The following DNA2 variants were observed in gnomAD, a reference collection of about 807,000 sequenced individuals.
DNA2 encodes the protein DNA replication helicase/nuclease 2.
In DNA2, 101 loss-of-function variants were observed where a neutral mutation model predicts 119.1. The ratio of observed to expected loss-of-function variants is 0.85; its 90% confidence interval spans 0.72 to 1.00. The LOEUF (loss-of-function observed/expected upper bound fraction) is 1.00. Ranked by LOEUF, DNA2 falls within the 50% of genes least tolerant of loss-of-function variation. The pLI is 0.00. For missense variants in DNA2, 1,121 were observed against 1,255.5 expected (o/e 0.89, Z 1.62); for synonymous variants, 366 against 424.4 (o/e 0.86, Z 1.69).
chr10:68,446,249 G>GT (rs1466994164), intron 7 of DNA2, 47 bp downstream of exon 7: 3 of 1,005,608 alleles, frequency 3.0e-6, no homozygotes, highest in Admixed American at 4.4e-5. Flanking sequence ...AGAAGCTGAA[G>GT]TGGGGGGGTG....
rs748009312 is a variant in DNA2, at chr10:68,430,606, AGT to A, written c.2036_2037del (p.His679LeufsTer4). The part of the protein sequence containing the change: ...GFSVLLTSYT[H>X]SAVDNILLKL... ...TTCAAAAGAATATTGTCAACAGCAGAGTGTGTATAGCTGGTCAACAAAACGCT... is the reference window on the plus strand; with the variant it reads ...TTCAAAAGAATATTGTCAACAGCAGAGTGTATAGCTGGTCAACAAAACGCT... On this transcript the variant is annotated frameshift_variant, in exon 14 of 21. Coordinates refer to ENST00000358410, the MANE Select transcript of DNA2 (RefSeq NM_001080449.3). LOFTEE classifies it high-confidence loss of function. The A allele has an allele frequency of 1.2e-6, 2 of 1,607,496 alleles. No homozygotes were observed. The highest frequency in any genetic ancestry group is 3.4e-5 in the Admixed American group (2 of 58,824).
At chr10:68,444,542 C>T (rs546439339) in intron 8 of DNA2, among the ~76,000 whole-genome samples, 1 of 151,816 alleles carries the variant, frequency 6.6e-6, no homozygotes, top group Non-Finnish European at 1.5e-5. Context: ...CTGACCAACA[C>T]GGTGAAACCT....
chr10:68,457,799 A>C (rs184822460), intron 5 of DNA2, among the ~76,000 whole-genome samples: 15 of 152,194 alleles, frequency 9.9e-5, no homozygotes, highest in African/African-American at 3.6e-4. Context: ...GGCTAAACAC[A>C]GTAAATATAT....
intron 3 of DNA2, among the ~76,000 whole-genome samples, 172 bp downstream of exon 3, chr10:68,467,951 T>C (rs988550002): frequency 2.6e-5 from 4 of 152,180 alleles, no homozygotes; most frequent in African/African-American, 9.6e-5. Flanking sequence ...TATGTGGCTA[T>C]GGGGCAAGTC....
At chr10:68,447,032 T>C (rs2052048890) in intron 6 of DNA2, among the ~76,000 whole-genome samples, 1 of 152,124 alleles carries the variant, frequency 6.6e-6, no homozygotes, top group African/African-American at 2.4e-5. Flanking sequence ...AAATAATAAA[T>C]GTTTGAGGGG....
chr10:68,449,973 CAAAAAAAAAA>C (rs57883442), intron 6 of DNA2, 45 bp downstream of exon 6: 3 of 975,968 alleles, frequency 3.1e-6, no homozygotes, highest in African/African-American at 4.8e-5. Flanking sequence ...GACTCTGTCT[CAAAAAAAAAA>C]AAAAAAAAGT....
intron 17 of DNA2, among the ~76,000 whole-genome samples, chr10:68,421,921 T>A (rs542987970): frequency 1.3e-4 from 20 of 151,996 alleles, no homozygotes; most frequent in African/African-American, 4.6e-4. Flanking sequence ...CTGAAGCAAT[T>A]CTCATGCCTC....
intron 8 of DNA2, among the ~76,000 whole-genome samples, chr10:68,444,027 C>T (rs1204108268): frequency 1.3e-5 from 2 of 152,042 alleles, no homozygotes; most frequent in African/African-American, 4.8e-5. Flanking sequence ...GAGGCCAAGA[C>T]AGGCAGATCA....
intron 13 of DNA2, among the ~76,000 whole-genome samples, chr10:68,431,252 G>A (rs1168648444): frequency 6.8e-6 from 1 of 146,860 alleles, no homozygotes; most frequent in East Asian, 2.0e-4. Flanking sequence ...GAAATTTACT[G>A]ACATGAAAAA....
At chr10:68,423,299 C>A (rs1379891043) in intron 14 of DNA2, among the ~76,000 whole-genome samples, 10 of 146,108 alleles carry the variant, frequency 6.8e-5, no homozygotes, top group East Asian at 4.0e-4. Flanking sequence ...AAAAAAAAAA[C>A]AAAAGAAGAC....
chr10:68,425,072 T>C (rs1590049569), intron 14 of DNA2: 2 of 359,292 alleles, frequency 5.6e-6, no homozygotes, highest in Non-Finnish European at 1.1e-5. Flanking sequence ...CTTTTCAGAA[T>C]GTCTCTGGAA....
chr10:68,436,256 T>C (rs1467653673), intron 10 of DNA2, among the ~76,000 whole-genome samples: 1 of 152,104 alleles, frequency 6.6e-6, no homozygotes, highest in African/African-American at 2.4e-5. Context: ...AATGAGGGTC[T>C]CATATATGCT....
At chr10:68,450,345 A>G in intron 5 of DNA2, 98 bp from the exon 6 acceptor site, 1 of 930,402 alleles carries the variant, frequency 1.1e-6, no homozygotes. Context: ...GAATGTGGGG[A>G]GGGGAAAGAG....
intron 5 of DNA2, among the ~76,000 whole-genome samples, chr10:68,454,356 C>CAA (rs562333641): frequency 1.9e-4 from 22 of 116,508 alleles, no homozygotes; most frequent in African/African-American, 5.1e-4. Context: ...TAATTTTAAC[C>CAA]AAAAAAAAAA....
intron 5 of DNA2, among the ~76,000 whole-genome samples, chr10:68,451,675 T>C (rs1251499730): frequency 6.6e-6 from 1 of 152,192 alleles, no homozygotes. Context: ...TTCTAGTGGT[T>C]AGAATAGATT....
intron 5 of DNA2, among the ~76,000 whole-genome samples, chr10:68,457,051 G>A (rs555469222): frequency 4.6e-5 from 7 of 151,164 alleles, no homozygotes; most frequent in African/African-American, 1.5e-4. Flanking sequence ...GGAGAATGGC[G>A]TGAACCCGGG....
intron 5 of DNA2, among the ~76,000 whole-genome samples, chr10:68,454,627 G>C (rs2052160641): frequency 6.6e-6 from 1 of 151,974 alleles, no homozygotes; most frequent in South Asian, 2.1e-4. Flanking sequence ...TCAGCATGGT[G>C]AAACTCCGTC....
chr10:68,468,746 T>C (rs905843002), intron 2 of DNA2, among the ~76,000 whole-genome samples: 7 of 152,126 alleles, frequency 4.6e-5, no homozygotes, highest in African/African-American at 1.7e-4. Flanking sequence ...AAGAATAAAA[T>C]CAAACTGAAC....
chr10:68,416,966 A>T, intron 19 of DNA2, 111 bp from the exon 20 acceptor site: 1 of 912,564 alleles, frequency 1.1e-6, no homozygotes, highest in Non-Finnish European at 1.6e-6. Context: ...GAATGAGGCC[A>T]GGTGTAGTGG....
Sources: gnomAD v4.1 joint callset for allele counts (sites outside exome capture counted in the v4.1 genomes callset) on GRCh38, gnomAD v4.1.1 for gene constraint, MANE v1.5 for transcripts, NCBI Gene and HGNC (gene_info 2026-07-23, HGNC 2026-07-21) for gene names.